GSE1: variants seen among roughly 807,000 people sequenced by gnomAD.
The protein encoded by GSE1 is Gse1 coiled-coil protein.
Under a neutral mutation model 112.6 loss-of-function variants are expected in GSE1, and 32 were observed. That is an observed-to-expected ratio of 0.28 (90% confidence interval 0.21 to 0.38). The LOEUF is 0.38. Among genes scored for constraint, GSE1 ranks in the 10% least tolerant of loss-of-function variants. GSE1 has a pLI of 1.00. For missense variants in GSE1, 2,348 were observed against 1,699.2 expected (o/e 1.38, Z -6.71); for synonymous variants, 1,115 against 735.6 (o/e 1.52, Z -8.35).
intron 2 of GSE1, among the ~76,000 whole-genome samples, chr16:85,361,669 C>T (rs1244248431): frequency 6.6e-6 from 1 of 152,208 alleles, no homozygotes; most frequent in Non-Finnish European, 1.5e-5. Context: ...ATGCCTCGTA[C>T]GTGGGGACAG....
intron 1 of GSE1, among the ~76,000 whole-genome samples, chr16:85,350,871 C>A (rs1488109498): frequency 1.3e-5 from 2 of 152,192 alleles, no homozygotes; most frequent in Non-Finnish European, 2.9e-5. Context: ...CCTCTGCCTC[C>A]TGGGTTCAAG....
chr16:85,385,331 C>T (rs1269624921), intron 2 of GSE1, among the ~76,000 whole-genome samples: 1 of 152,228 alleles, frequency 6.6e-6, no homozygotes, highest in Non-Finnish European at 1.5e-5. Context: ...CCCCTGACGC[C>T]ATCTGTGTGT....
intron 2 of GSE1, among the ~76,000 whole-genome samples, chr16:85,460,318 G>T (rs879780646): frequency 5.3e-5 from 8 of 152,200 alleles, no homozygotes; most frequent in Non-Finnish European, 7.3e-5. Context: ...CTTCTCCAGA[G>T]ATTCTGATAC....
At chr16:85,514,186 C>G (rs917967543) in intron 2 of GSE1, among the ~76,000 whole-genome samples, 8 of 151,200 alleles carry the variant, frequency 5.3e-5, no homozygotes, top group Non-Finnish European at 8.9e-5. Flanking sequence ...ATCTTCCCCC[C>G]TCCCCTCTCT....
At chr16:85,603,291 C>T (rs926199953) in intron 1 of GSE1, among the ~76,000 whole-genome samples, 17 of 152,114 alleles carry the variant, frequency 1.1e-4, no homozygotes, top group Admixed American at 9.8e-4. Context: ...GGAGAGACGC[C>T]GAGTGGGGAA....
At chr16:85,479,406 T>A (rs1404267390) in intron 2 of GSE1, among the ~76,000 whole-genome samples, 1 of 151,626 alleles carries the variant, frequency 6.6e-6, no homozygotes, top group Non-Finnish European at 1.5e-5. Context: ...TGACCTCAGG[T>A]GATCTGCACG....
intron 1 of GSE1, among the ~76,000 whole-genome samples, chr16:85,223,921 T>C (rs908320255): frequency 6.6e-6 from 1 of 152,124 alleles, no homozygotes; most frequent in African/African-American, 2.4e-5. Context: ...TGTAACCATT[T>C]TAAGGCACAC....
At chr16:85,639,294 T>C (rs1214315892) in intron 2 of GSE1, among the ~76,000 whole-genome samples, 1 of 152,216 alleles carries the variant, frequency 6.6e-6, no homozygotes, top group East Asian at 1.9e-4. Context: ...AGCAGGGACC[T>C]GTCCCCTCCT....
At chr16:85,399,281 C>T (rs78015819) in intron 2 of GSE1, among the ~76,000 whole-genome samples, 38,419 of 151,656 alleles carry the variant, frequency 0.25, 6,007 homozygotes, top group Admixed American at 0.35. Flanking sequence ...TCTGCTGGGC[C>T]CCCCCAGCAC....
chr16:85,607,257 G>C (rs1340365078), upstream of GSE1, among the ~76,000 whole-genome samples: 1 of 152,146 alleles, frequency 6.6e-6, no homozygotes, highest in Non-Finnish European at 1.5e-5. Flanking sequence ...GCTCCAGTAG[G>C]AGAGGCAGGA....
intron 2 of GSE1, among the ~76,000 whole-genome samples, chr16:85,468,715 A>T (rs1326448775): frequency 6.6e-6 from 1 of 152,114 alleles, no homozygotes; most frequent in Admixed American, 6.5e-5. Context: ...CCCTGCCTGG[A>T]GCCACGCAGA....
At chr16:85,314,327 G>C (rs2045939158) in intron 1 of GSE1, among the ~76,000 whole-genome samples, 1 of 152,194 alleles carries the variant, frequency 6.6e-6, no homozygotes, top group Non-Finnish European at 1.5e-5. Flanking sequence ...CCCTTGGAAA[G>C]GTCTTGAGTC....
At chr16:85,561,897 G>C (rs1479764543) in intron 1 of GSE1, among the ~76,000 whole-genome samples, 1 of 152,234 alleles carries the variant, frequency 6.6e-6, no homozygotes. Flanking sequence ...CAGGGGCTCA[G>C]GCCCACCTGG....
At chr16:85,571,380 A>G (rs562479943) in intron 1 of GSE1, among the ~76,000 whole-genome samples, 3 of 152,388 alleles carry the variant, frequency 2.0e-5, no homozygotes, top group East Asian at 3.9e-4. Flanking sequence ...CAGTGCCCCA[A>G]TCACAGCAGC....
intron 2 of GSE1, chr16:85,359,370 C>T (rs2047017415): frequency 2.2e-6 from 1 of 455,910 alleles, no homozygotes; most frequent in Non-Finnish European, 4.4e-6. Flanking sequence ...CCCAGGAAAC[C>T]AGAGTCCTCC....
intron 1 of GSE1, among the ~76,000 whole-genome samples, chr16:85,309,952 A>C (rs968647276): frequency 1.3e-5 from 2 of 152,166 alleles, no homozygotes; most frequent in African/African-American, 4.8e-5. Flanking sequence ...AAAAATAAAA[A>C]AGGAGAAGTG....
chr16:85,642,700 C>T (rs1187789594), intron 2 of GSE1, among the ~76,000 whole-genome samples: 5 of 152,250 alleles, frequency 3.3e-5, no homozygotes, highest in Non-Finnish European at 4.4e-5. Context: ...CGGTAGTTAC[C>T]GTTCTGTTCT....
chr16:85,430,543 C>T (rs773155398), intron 2 of GSE1, among the ~76,000 whole-genome samples: 4 of 152,222 alleles, frequency 2.6e-5, no homozygotes, highest in Admixed American at 6.5e-5. Context: ...CCTCGAAGGC[C>T]AGGCCAGGGG....
At chr16:85,560,057 T>G (rs934286709) in intron 1 of GSE1, among the ~76,000 whole-genome samples, 1 of 152,232 alleles carries the variant, frequency 6.6e-6, no homozygotes, top group Non-Finnish European at 1.5e-5. Context: ...ATTCTTATTT[T>G]GTCACGGTCA....
Sources: gnomAD v4.1 joint callset for allele counts (sites outside exome capture counted in the v4.1 genomes callset) on GRCh38, gnomAD v4.1.1 for gene constraint, MANE v1.5 for transcripts, NCBI Gene and HGNC (gene_info 2026-07-23, HGNC 2026-07-21) for gene names.